RBFOX1: variants seen among roughly 807,000 people sequenced by gnomAD.
RBFOX1 encodes RNA binding protein fox-1 homolog 1.
Under a neutral mutation model 57.7 loss-of-function variants are expected in RBFOX1, and 8 were observed. The ratio of observed to expected loss-of-function variants is 0.14; its 90% CI spans 0.08 to 0.25. The LOEUF (loss-of-function observed/expected upper bound fraction) is 0.25, where lower values mean the gene tolerates loss of function less well. RBFOX1 is among the 10% of genes least tolerant of loss of function. RBFOX1 has a pLI of 1.00. For missense variants in RBFOX1, 611 were observed against 548.5 expected (o/e 1.11, Z -1.14); for synonymous variants, 326 against 222.4 (o/e 1.47, Z -4.15).
At chr16:5,472,142 C>G (rs1363170094) in intron 2 of RBFOX1, among the ~76,000 whole-genome samples, 1 of 152,132 alleles carries the variant, frequency 6.6e-6, no homozygotes, top group African/African-American at 2.4e-5. Flanking sequence ...TCACGGCTCT[C>G]TCCCTGCCTT....
intron 1 of RBFOX1, among the ~76,000 whole-genome samples, chr16:5,427,048 C>A (rs73522549): frequency 0.041 from 6,255 of 152,078 alleles, 150 homozygotes; most frequent in Middle Eastern, 0.14. Flanking sequence ...GTTTTTTTGG[C>A]TTTTACCTCA....
chr16:7,159,902 T>C (rs1014679732), intron 4 of RBFOX1, among the ~76,000 whole-genome samples: 2 of 152,352 alleles, frequency 1.3e-5, no homozygotes, highest in Admixed American at 1.3e-4. Context: ...ATTGCTAATA[T>C]AGGCACCAGA....
At chr16:7,026,647 C>G (rs867432199) in intron 3 of RBFOX1, among the ~76,000 whole-genome samples, 1 of 152,136 alleles carries the variant, frequency 6.6e-6, no homozygotes, top group Non-Finnish European at 1.5e-5. Flanking sequence ...TGGTCAGGAT[C>G]CAGCTGAAAC....
chr16:6,625,188 T>C (rs959941607), intron 2 of RBFOX1, among the ~76,000 whole-genome samples: 24 of 115,166 alleles, frequency 2.1e-4, no homozygotes, highest in African/African-American at 6.9e-4. Flanking sequence ...AAAAAAAAGG[T>C]ATTCTGGTGG....
chr16:6,415,071 C>T (rs1335461097), intron 2 of RBFOX1, among the ~76,000 whole-genome samples: 2 of 151,614 alleles, frequency 1.3e-5, no homozygotes, highest in African/African-American at 4.8e-5. Flanking sequence ...GATGAAACCC[C>T]GTCTCTACTA....
At chr16:6,496,656 C>T (rs1200433682) in intron 2 of RBFOX1, among the ~76,000 whole-genome samples, 4 of 152,180 alleles carry the variant, frequency 2.6e-5, no homozygotes, top group African/African-American at 9.7e-5. Context: ...AAACACATCA[C>T]AGCTAAATTA....
At chr16:5,423,360 T>C (rs1236754814) in intron 1 of RBFOX1, among the ~76,000 whole-genome samples, 2 of 152,088 alleles carry the variant, frequency 1.3e-5, no homozygotes, top group East Asian at 1.9e-4. Context: ...TTCTCTGTGG[T>C]TTTCTCTGAT....
intron 2 of RBFOX1, among the ~76,000 whole-genome samples, chr16:6,479,860 A>G (rs1345952018): frequency 5.3e-5 from 8 of 150,860 alleles, no homozygotes; most frequent in Admixed American, 4.6e-4. Context: ...GACCAGCCTG[A>G]CCAACATGGT....
chr16:5,854,831 A>G (rs1032519079), intron 3 of RBFOX1, among the ~76,000 whole-genome samples: 1 of 152,120 alleles, frequency 6.6e-6, no homozygotes. Flanking sequence ...CTATCAATTT[A>G]CATTCCCACC....
At chr16:7,462,806 A>G (rs1324499999) in intron 4 of RBFOX1, among the ~76,000 whole-genome samples, 2 of 152,186 alleles carry the variant, frequency 1.3e-5, no homozygotes, top group African/African-American at 4.8e-5. Flanking sequence ...GTCCAGCGAC[A>G]GCTACTCGAG....
In RBFOX1 at chr16:6,502,711, G is replaced by A. The variant is rs201135488; in HGVS notation, c.-63-151892G>A. On this transcript the variant is annotated intron_variant, in intron 2 of 15. Coordinates refer to ENST00000550418, the MANE Select transcript of RBFOX1 (RefSeq NM_018723.4). The stretch of plus-strand genomic sequence containing the variant: ...TCTGCTAATTTTTGCCATTACCACC[G>A]GACCCCTATGTAGGACTCATCTCCT... 1.4e-4 allele frequency among the ~76,000 whole-genome samples: 21 copies of A among 152,096 alleles called. No individual in the cohort carries two copies. The South Asian group carries it at 3.5e-3, about 26-fold the overall frequency.
intron 2 of RBFOX1, among the ~76,000 whole-genome samples, chr16:6,650,091 C>T (rs1262658615): frequency 3.9e-5 from 6 of 152,172 alleles, no homozygotes; most frequent in Admixed American, 6.5e-5. Context: ...ATGCAGTAGT[C>T]GGATTGCTGG....
rs141505097 is a variant in RBFOX1, at chr16:6,293,487, A to C, written c.-126-23508A>C. Among the ~76,000 whole-genome samples, 930 of 152,226 alleles carry C rather than the reference A, an allele frequency of 6.1e-3. 11 individuals carry two copies. The highest frequency in any genetic ancestry group is 0.022 in the African/African-American group (900 of 41,518). On this transcript the variant is annotated intron_variant, in intron 1 of 15. Coordinates refer to ENST00000550418, the MANE Select transcript of RBFOX1 (RefSeq NM_018723.4). ...GAGATGAATGCATAGCCTGTCTGCC[A>C]GGTCCTTGGATAAGCTCTTGGGATG... is the stretch of plus-strand genomic sequence containing the variant.
chr16:6,789,552 A>G (rs1044383084), intron 3 of RBFOX1, among the ~76,000 whole-genome samples: 10 of 152,362 alleles, frequency 6.6e-5, no homozygotes, highest in South Asian at 2.1e-4. Flanking sequence ...ATTGCACTCA[A>G]TAGGCGCCAT....
intron 4 of RBFOX1, among the ~76,000 whole-genome samples, chr16:7,495,306 C>A (rs908107179): frequency 6.6e-6 from 1 of 152,106 alleles, no homozygotes; most frequent in Non-Finnish European, 1.5e-5. Context: ...TCTGAGATAA[C>A]AATTTCTTTT....
intron 2 of RBFOX1, among the ~76,000 whole-genome samples, chr16:6,363,559 A>G (rs1248742822): frequency 6.6e-6 from 1 of 152,238 alleles, no homozygotes; most frequent in African/African-American, 2.4e-5. Flanking sequence ...ATAGAGTCGA[A>G]TTGAGGTTGT....
intron 11 of RBFOX1, among the ~76,000 whole-genome samples, chr16:7,640,030 C>T (rs527425236): frequency 1.1e-4 from 16 of 152,342 alleles, no homozygotes; most frequent in South Asian, 1.0e-3. Context: ...TGTCCCAGCA[C>T]ATTTGATTAA....
At chr16:5,669,133 A>G (rs2151411855) in intron 3 of RBFOX1, among the ~76,000 whole-genome samples, 1 of 152,290 alleles carries the variant, frequency 6.6e-6, no homozygotes. Flanking sequence ...CATGGAGCTG[A>G]AAATTCCAGA....
chr16:7,416,191 G>T (rs1479306360), intron 4 of RBFOX1, among the ~76,000 whole-genome samples: 1 of 152,198 alleles, frequency 6.6e-6, no homozygotes, highest in Non-Finnish European at 1.5e-5. Context: ...GAAATGGGAA[G>T]TGACAGATTC....
Sources: allele counts gnomAD v4.1 joint callset (sites outside exome capture counted in the v4.1 genomes callset), GRCh38; gene constraint gnomAD v4.1.1; transcripts MANE v1.5; gene names NCBI Gene and HGNC (gene_info 2026-07-23, HGNC 2026-07-21).